The following SCN2A variants were observed in gnomAD, a reference collection of about 807,000 sequenced individuals.
SCN2A encodes sodium voltage-gated channel alpha subunit 2.
Under a neutral mutation model 188.7 loss-of-function variants are expected in SCN2A, and 20 were observed. The ratio of observed to expected loss-of-function variants is 0.11; its 90% CI spans 0.07 to 0.15. The LOEUF is 0.15. Ranked by LOEUF, SCN2A falls within the 10% of genes least tolerant of loss-of-function variation. The probability of loss-of-function intolerance (pLI) is 1.00; values close to 1 mark genes in which losing one functional copy is unlikely to be tolerated. For missense variants in SCN2A, 1,278 were observed against 2,445.0 expected (o/e 0.52, Z 10.07); for synonymous variants, 804 against 833.1 (o/e 0.97, Z 0.60).
At chr2:165,324,383 C>T (rs1230081836) in intron 12 of SCN2A, among the ~76,000 whole-genome samples, 1 of 152,100 alleles carries the variant, frequency 6.6e-6, no homozygotes, top group Non-Finnish European at 1.5e-5. Flanking sequence ...CTTTGAGCCA[C>T]ATTAAAATGA....
intron 1 of SCN2A, among the ~76,000 whole-genome samples, chr2:165,280,436 C>G (rs1695535183): frequency 1.3e-5 from 2 of 152,178 alleles, no homozygotes; most frequent in Admixed American, 6.5e-5. Context: ...CTGTGTCACT[C>G]TCCTGGCAGG....
intron 21 of SCN2A, 152 bp downstream of exon 21, chr2:165,373,499 C>A: frequency 9.3e-6 from 8 of 858,202 alleles, no homozygotes; most frequent in Non-Finnish European, 1.3e-5. Flanking sequence ...ACCAGATGCC[C>A]ATAATACTTG....
intron 4 of SCN2A, 128 bp downstream of exon 4, chr2:165,308,065 T>A: frequency 1.3e-6 from 1 of 751,286 alleles, no homozygotes; most frequent in Non-Finnish European, 2.4e-6. Flanking sequence ...TGATTCAAAT[T>A]CATTTCTGTC....
At chr2:165,291,692 C>A (rs1468007529) in intron 1 of SCN2A, among the ~76,000 whole-genome samples, 2 of 150,300 alleles carry the variant, frequency 1.3e-5, no homozygotes, top group Admixed American at 1.3e-4. Flanking sequence ...TCAAGGGATC[C>A]TCCTGCCCTG....
chr2:165,260,515 T>G (rs1048003379), intron 1 of SCN2A, among the ~76,000 whole-genome samples: 1 of 152,166 alleles, frequency 6.6e-6, no homozygotes, highest in African/African-American at 2.4e-5. Context: ...GCTGAATACA[T>G]TTAGCATAAT....
At chr2:165,341,215 T>A (rs981009371) in intron 14 of SCN2A, among the ~76,000 whole-genome samples, 1 of 152,190 alleles carries the variant, frequency 6.6e-6, no homozygotes, top group African/African-American at 2.4e-5. Flanking sequence ...TGCCTCAGCC[T>A]CCCGAGTAGC....
chr2:165,256,256 C>T (rs1292653024), intron 1 of SCN2A, among the ~76,000 whole-genome samples: 2 of 152,028 alleles, frequency 1.3e-5, no homozygotes, highest in Non-Finnish European at 2.9e-5. Flanking sequence ...CCACCCACCT[C>T]GGCCTCCCAA....
chr2:165,370,104 A>C (rs1456859858), intron 19 of SCN2A, 22 bp from the exon 20 acceptor site: 1 of 1,600,352 alleles, frequency 6.2e-7, no homozygotes, highest in South Asian at 1.1e-5. Context: ...CATAAAATTT[A>C]ATAGAATTTT....
At chr2:165,297,381 G>A (rs901528390) in intron 3 of SCN2A, among the ~76,000 whole-genome samples, 3 of 151,908 alleles carry the variant, frequency 2.0e-5, no homozygotes, top group Admixed American at 6.6e-5. Context: ...TCTCCCTTAC[G>A]AATTGCTTGC....
chr2:165,245,682 T>G (rs917336610), intron 1 of SCN2A, among the ~76,000 whole-genome samples: 6 of 152,148 alleles, frequency 3.9e-5, no homozygotes, highest in Non-Finnish European at 7.4e-5. Flanking sequence ...GACCATAAAA[T>G]GTGTCATCTA....
At chr2:165,376,075 A>G (rs547394891) in intron 22 of SCN2A, among the ~76,000 whole-genome samples, 3 of 151,938 alleles carry the variant, frequency 2.0e-5, no homozygotes, top group Non-Finnish European at 4.4e-5. Flanking sequence ...TGGTCAAAGG[A>G]TACAAAATTC....
chr2:165,387,434 G>A (rs996792211), intron 26 of SCN2A, among the ~76,000 whole-genome samples: 1 of 152,046 alleles, frequency 6.6e-6, no homozygotes, highest in African/African-American at 2.4e-5. Flanking sequence ...TAAATAATTG[G>A]AATAGTGTAT....
At chr2:165,266,120 A>T (rs1266914301) in intron 1 of SCN2A, among the ~76,000 whole-genome samples, 3 of 152,104 alleles carry the variant, frequency 2.0e-5, no homozygotes, top group Admixed American at 2.0e-4. Context: ...TGGTCTAATG[A>T]ACTACGGAAA....
chr2:165,268,666 C>A (rs1402007257), intron 1 of SCN2A: 1 of 151,972 alleles, frequency 6.6e-6, no homozygotes, highest in East Asian at 1.9e-4. Context: ...GAGATATTTA[C>A]ACTGTCGTGT....
intron 1 of SCN2A, among the ~76,000 whole-genome samples, chr2:165,276,630 TC>T (rs2106113828): frequency 6.6e-6 from 1 of 152,296 alleles, no homozygotes; most frequent in South Asian, 2.1e-4. Context: ...CTTCATCTTC[TC>T]CCTTGACACC....
intron 1 of SCN2A, among the ~76,000 whole-genome samples, chr2:165,291,347 C>T (rs936835352): frequency 1.1e-4 from 3 of 26,602 alleles, no homozygotes; most frequent in Non-Finnish European, 2.8e-4. Flanking sequence ...ACTTGTCTGT[C>T]GTTCGTTCCT....
intron 1 of SCN2A, among the ~76,000 whole-genome samples, chr2:165,263,586 C>G (rs1226758086): frequency 1.3e-5 from 2 of 151,976 alleles, no homozygotes; most frequent in Non-Finnish European, 2.9e-5. Flanking sequence ...TATATGCTGA[C>G]TTTTATGCCA....
chr2:165,274,662 A>T (rs534569710), intron 1 of SCN2A, among the ~76,000 whole-genome samples: 1 of 152,202 alleles, frequency 6.6e-6, no homozygotes, highest in African/African-American at 2.4e-5. Flanking sequence ...CCCTTTTCTA[A>T]TCTTTTAAGA....
In SCN2A at chr2:165,390,092, C is replaced by T. The variant is rs1378211134; in HGVS notation, c.*268C>T. 5 of 399,170 alleles carry T rather than the reference C, an allele frequency of 1.3e-5. No individual in the cohort carries two copies. The East Asian group carries it at 1.3e-4, about 11-fold the overall frequency. 24.7% of individuals were successfully genotyped at this position (399,170 alleles called of 1,614,324 possible). A position where few individuals can be genotyped will look rare whatever the true frequency, so the allele number is the denominator to read the frequency against. On this transcript the variant is annotated 3_prime_UTR_variant, in exon 27 of 27. Transcript: ENST00000375437. ...AGCAGAGGCGTAATGGCTACTCAGA[C>T]GATAGGAACCAATTTAAAGGGGGGA...
Sources: gnomAD v4.1 joint callset for allele counts (sites outside exome capture counted in the v4.1 genomes callset) on GRCh38, gnomAD v4.1.1 for gene constraint, MANE v1.5 for transcripts, NCBI Gene and HGNC (gene_info 2026-07-23, HGNC 2026-07-21) for gene names.